The following RGPD3 variants were observed in gnomAD, a reference collection of about 807,000 sequenced individuals.
RGPD3 encodes RANBP2 like and GRIP domain containing 3.
A neutral mutation model predicts 154.5 loss-of-function variants in RGPD3; 62 were observed. That is an observed-to-expected ratio of 0.40 (90% CI 0.33 to 0.50). The LOEUF (loss-of-function observed/expected upper bound fraction) is 0.50, where lower values mean the gene tolerates loss of function less well. Ranked by LOEUF, RGPD3 falls within the 20% of genes least tolerant of loss-of-function variation. RGPD3 has a pLI of 0.59. For missense variants in RGPD3, 919 were observed against 1,716.8 expected, an observed-to-expected ratio of 0.54 and a Z score of 8.21; for synonymous variants, 308 against 607.0, an observed-to-expected ratio of 0.51 and a Z score of 7.24.
chr2:106,417,678 A>AC (rs1676859503), intron 20 of RGPD3, among the ~76,000 whole-genome samples: 1 of 150,612 alleles, frequency 6.6e-6, no homozygotes. Flanking sequence ...GGCCTATTAG[A>AC]TTTTTTTTAA....
In RGPD3 at chr2:106,404,362, C is replaced by A. The variant is rs1455200399; in HGVS notation, c.*857G>T. On this transcript the variant is annotated 3_prime_UTR_variant, in exon 23 of 23. Coordinates refer to ENST00000409886, the MANE Select transcript of RGPD3 (RefSeq NM_001144013.2). ...CTATTCATAGTCAGTGTTACACTAG[C>A]CAGCTCTAGGGCTCTGACAACATAA... Among the ~76,000 whole-genome samples, 4 of 149,426 alleles carry A rather than the reference C, an allele frequency of 2.7e-5. No individual in the cohort carries two copies.
At chr2:106,413,311 A>T in intron 21 of RGPD3, 26 bp from the exon 22 acceptor site, 3 of 1,611,512 alleles carry the variant, frequency 1.9e-6, no homozygotes, top group Non-Finnish European at 2.5e-6. Context: ...TGAGTTAAAA[A>T]TGGGCTTTAG....
chr2:106,464,268 G>A (rs1678493099), intron 1 of RGPD3, among the ~76,000 whole-genome samples: 1 of 151,176 alleles, frequency 6.6e-6, no homozygotes, highest in Non-Finnish European at 1.5e-5. Context: ...GTGAACCCGG[G>A]AGGCAGAGTT....
At chr2:106,409,029 C>A (rs1573236240) in intron 22 of RGPD3, among the ~76,000 whole-genome samples, 1 of 151,862 alleles carries the variant, frequency 6.6e-6, no homozygotes, top group Non-Finnish European at 1.5e-5. Context: ...TGTGATCCAC[C>A]AAATTAATTT....
At chr2:106,426,684 G>A (rs1677206931) in intron 18 of RGPD3, among the ~76,000 whole-genome samples, 1 of 152,180 alleles carries the variant, frequency 6.6e-6, no homozygotes, top group Non-Finnish European at 1.5e-5. Context: ...TGTTTTACCA[G>A]GAAACAAAAC....
intron 20 of RGPD3, among the ~76,000 whole-genome samples, chr2:106,418,326 C>G (rs1303269063): frequency 1.3e-5 from 2 of 149,602 alleles, no homozygotes; most frequent in African/African-American, 4.9e-5. Flanking sequence ...AATTAAAAGA[C>G]TAGATTCTAG....
rs752725463 is a variant in RGPD3, at chr2:106,468,305, C to A, written c.-17G>T. 1.3e-6 allele frequency: 2 copies of A among 1,599,772 alleles called. No individual in the cohort carries two copies. Among genetic ancestry groups the A allele is most frequent in the East Asian group, 2.3e-5 (1 of 44,358 alleles). ...GCAACTCATCGCGCCACCAACCTGG[C>A]TCCCGAGATGCGTGAGACCAGCGCT... On this transcript the variant is annotated 5_prime_UTR_variant, in exon 1 of 23. Transcript: ENST00000409886.
intron 20 of RGPD3, 51 bp from the exon 21 acceptor site, chr2:106,416,040 G>T (rs1205768729): frequency 3.1e-6 from 5 of 1,594,282 alleles, no homozygotes; most frequent in Non-Finnish European, 4.3e-6. Context: ...CATTACAGAT[G>T]AAGATTCTAA....
intron 6 of RGPD3, among the ~76,000 whole-genome samples, chr2:106,447,897 C>A (rs77411957): frequency 6.6e-6 from 1 of 151,562 alleles, no homozygotes; most frequent in African/African-American, 2.4e-5. Context: ...TGATTATAGG[C>A]GCACATTTCA....
At chr2:106,448,116 T>TA (rs932373881) in intron 6 of RGPD3, among the ~76,000 whole-genome samples, 1 of 149,948 alleles carries the variant, frequency 6.7e-6, no homozygotes, top group Admixed American at 6.6e-5. Context: ...GTCTTTTTTT[T>TA]TTTTTTTTTG....
chr2:106,450,754 G>A (rs1327593078), intron 6 of RGPD3, among the ~76,000 whole-genome samples: 14 of 116,254 alleles, frequency 1.2e-4, no homozygotes, highest in Non-Finnish European at 2.1e-4. Context: ...GTGTGGTGTC[G>A]GGCACCTGTA....
intron 17 of RGPD3, among the ~76,000 whole-genome samples, chr2:106,432,192 C>T (rs1677383830): frequency 6.7e-6 from 1 of 148,928 alleles, no homozygotes; most frequent in South Asian, 2.2e-4. Flanking sequence ...GTGGTTTACA[C>T]CTGTAATCCC....
Position 106,424,703 on chromosome 2 carries a change from G to C in RGPD3, c.3264C>G (p.Leu1088=). ...TTACTTTGCCATTGACCTCGTTTTT[G>C]AGAATTTTTAAGTTCCCCAAGCCCC... is the stretch of plus-strand genomic sequence containing the variant. ...KERGLGNLKI[L]KNEVNGKVRM... Residue 1088 remains leucine (L), a synonymous_variant, in exon 20 of 23, where the codon CTC becomes CTG. Coordinates refer to ENST00000409886, the MANE Select transcript of RGPD3 (RefSeq NM_001144013.2). 1 of 1,611,930 alleles carries C rather than the reference G, an allele frequency of 6.2e-7. No homozygotes were observed. Among genetic ancestry groups the C allele is most frequent in the African/African-American group, 1.3e-5 (1 of 74,946 alleles).
chr2:106,414,357 C>T (rs1357056773), intron 21 of RGPD3, among the ~76,000 whole-genome samples: 1 of 152,182 alleles, frequency 6.6e-6, no homozygotes, highest in Non-Finnish European at 1.5e-5. Context: ...GGAGTGGTGG[C>T]TCATGCCTGT....
rs1026378318 is a variant in RGPD3 at position 106,415,830 on chromosome 2, G to A, written c.5064+20C>T. 1.9e-6 allele frequency: 3 copies of A among 1,611,632 alleles called. No individual in the cohort carries two copies. The African/African-American group carries it at 4.0e-5, about 22-fold the overall frequency. The stretch of plus-strand genomic sequence containing the variant: ...AACCAAACTGGCAGTTTTTATGGTG[G>A]CCAGGTTTTCTGATCTCACCTTAAT... On this transcript the variant is annotated intron_variant, in intron 21 of 22. Coordinates refer to ENST00000409886, the MANE Select transcript of RGPD3 (RefSeq NM_001144013.2).
chr2:106,414,398 C>A (rs1676758935), intron 21 of RGPD3, among the ~76,000 whole-genome samples: 1 of 152,030 alleles, frequency 6.6e-6, no homozygotes. Flanking sequence ...CTGAGGCAGG[C>A]AGATCACGAG....
chr2:106,469,809 CACAG>C (rs1678767345), upstream of RGPD3, among the ~76,000 whole-genome samples: 1 of 152,190 alleles, frequency 6.6e-6, no homozygotes, highest in Non-Finnish European at 1.5e-5. Flanking sequence ...CTTAAACTGA[CACAG>C]ACAACCTCAC....
chr2:106,413,256 T>A lies in RGPD3; in HGVS notation c.5094A>T (p.Glu1698Asp). 6.2e-7 allele frequency: 1 copy of A among 1,611,968 alleles called. No homozygotes were observed. The highest frequency in any genetic ancestry group is 8.5e-7 in the Non-Finnish European group (1 of 1,179,842). Reference sequence around the variant, plus strand: ...CAGACACCTCTTGCTCTTGATTCCTTTCCAATCTTCTTATTTCACTTTTGA... The same window carrying A: ...CAGACACCTCTTGCTCTTGATTCCTATCCAATCTTCTTATTTCACTTTTGA... Reference protein sequence around the residue: ...KLLKSEIRRLERNQEQEVSAA... With the variant: ...KLLKSEIRRLDRNQEQEVSAA... The change falls in exon 22 of 23, where the codon GAA becomes GAT. Residue 1698 changes from glutamate to aspartate, a missense_variant. Coordinates refer to ENST00000409886, the MANE Select transcript of RGPD3 (RefSeq NM_001144013.2).
intron 6 of RGPD3, among the ~76,000 whole-genome samples, chr2:106,448,021 A>G (rs1313387012): frequency 6.6e-6 from 1 of 151,346 alleles, no homozygotes; most frequent in Admixed American, 6.6e-5. Flanking sequence ...TTTCCAAATT[A>G]TAAGTAAATA....
Sources: allele counts gnomAD v4.1 joint callset (sites outside exome capture counted in the v4.1 genomes callset), GRCh38; gene constraint gnomAD v4.1.1; transcripts MANE v1.5; gene names NCBI Gene and HGNC (gene_info 2026-07-23, HGNC 2026-07-21).